KCNH5: variants seen among roughly 807,000 people sequenced by gnomAD.
The protein encoded by KCNH5 is potassium voltage-gated channel subfamily H member 5.
A neutral mutation model predicts 96.1 loss-of-function variants in KCNH5; 46 were observed. The observed-to-expected ratio is 0.48, with a 90% confidence interval of 0.38 to 0.61. The LOEUF (loss-of-function observed/expected upper bound fraction) is 0.61. KCNH5 is among the 20% of genes least tolerant of loss of function. The probability of loss-of-function intolerance (pLI) is 0.00; values close to 1 mark genes in which losing one functional copy is unlikely to be tolerated. For synonymous variants in KCNH5, 439 were observed against 449.8 expected (o/e 0.98, Z 0.30); for missense variants, 907 against 1,225.8 (o/e 0.74, Z 3.88).
At chr14:62,853,462 TATATATATATATATATATC>T in intron 7 of KCNH5, among the ~76,000 whole-genome samples, 1 of 121,146 alleles carries the variant, frequency 8.3e-6, no homozygotes, top group South Asian at 2.6e-4. Flanking sequence ...TAATCATATA[TATATATATATATATATATC>T]ATATATATAT....
In KCNH5 at chr14:63,044,587, G is replaced by A. The variant is rs900629252; in HGVS notation, c.73+527C>T. ...TTTGCAAGCACTGAACTCTTTCTTA[G>A]GTTCAACCTCAACTACTCTCCCCGG... On this transcript the variant is annotated intron_variant, in intron 1 of 10. Coordinates refer to ENST00000322893, the MANE Select transcript of KCNH5 (RefSeq NM_139318.5). Among the ~76,000 whole-genome samples the A allele has an allele frequency of 9.8e-5, 15 of 152,294 alleles. No homozygotes were observed. The South Asian group carries it at 2.5e-3, about 25-fold the overall frequency.
intron 1 of KCNH5, 129 bp downstream of exon 1, chr14:63,044,985 T>C: frequency 1.3e-6 from 1 of 741,908 alleles, no homozygotes; most frequent in Non-Finnish European, 2.3e-6. Flanking sequence ...GCCCAACTGG[T>C]AAATGAAACC....
At chr14:62,714,879 A>G (rs965456251) in intron 10 of KCNH5, among the ~76,000 whole-genome samples, 3 of 152,216 alleles carry the variant, frequency 2.0e-5, no homozygotes, top group African/African-American at 7.2e-5. Flanking sequence ...GCTGCTGAAC[A>G]CTATAAAAAT....
intron 7 of KCNH5, among the ~76,000 whole-genome samples, chr14:62,851,879 CA>C (rs1887814438): frequency 6.6e-6 from 1 of 152,106 alleles, no homozygotes; most frequent in Non-Finnish European, 1.5e-5. Context: ...AATTACGACA[CA>C]TTTCATCTTT....
rs184379385 is a variant in KCNH5 at position 62,847,480 on chromosome 14, A to C, written c.1569+2173T>G. Among the ~76,000 whole-genome samples, 395 of 152,216 alleles carry C rather than the reference A, an allele frequency of 2.6e-3. 3 individuals carry two copies. Among genetic ancestry groups the C allele is most frequent in the African/African-American group, 9.3e-3 (387 of 41,528 alleles). ...GTAGGGATTTTCTTAATAGACTGGG[A>C]TAAATCAATACAGGCATAGAGTATG... is the stretch of plus-strand genomic sequence containing the variant. On this transcript the variant is annotated intron_variant, in intron 8 of 10. Transcript: ENST00000322893.
At chr14:62,924,806 A>T (rs531942203) in intron 7 of KCNH5, among the ~76,000 whole-genome samples, 1 of 152,110 alleles carries the variant, frequency 6.6e-6, no homozygotes, top group African/African-American at 2.4e-5. Context: ...CCAGGTACTT[A>T]GAAGTGGGGG....
chr14:62,742,591 T>A (rs1885293653), intron 10 of KCNH5, among the ~76,000 whole-genome samples: 1 of 152,156 alleles, frequency 6.6e-6, no homozygotes, highest in Non-Finnish European at 1.5e-5. Flanking sequence ...CCCAGGTGAG[T>A]CTAAACTACA....
chr14:62,878,202 G>GGT (rs1491511546), intron 7 of KCNH5, among the ~76,000 whole-genome samples: 1 of 49,500 alleles, frequency 2.0e-5, no homozygotes, highest in African/African-American at 8.1e-5. Flanking sequence ...TTGTGGGGAT[G>GGT]GGGGGGGGGG....
intron 8 of KCNH5, among the ~76,000 whole-genome samples, chr14:62,848,223 A>C (rs1315091461): frequency 1.3e-5 from 2 of 152,166 alleles, no homozygotes; most frequent in South Asian, 2.1e-4. Context: ...GTTTCATTTA[A>C]TGTGGACTTC....
At chr14:62,979,000 C>T (rs146256880) in intron 6 of KCNH5, among the ~76,000 whole-genome samples, 96 of 152,256 alleles carry the variant, frequency 6.3e-4, no homozygotes, top group Non-Finnish European at 1.2e-3. Context: ...TAATAGATTT[C>T]TTGAATTTAG....
intron 9 of KCNH5, among the ~76,000 whole-genome samples, chr14:62,790,640 AG>A (rs1477032824): frequency 6.6e-6 from 1 of 150,680 alleles, no homozygotes; most frequent in Admixed American, 6.6e-5. Context: ...GTATACCCAG[AG>A]TCAGCCAATT....
At chr14:63,005,028 A>G (rs1325445207) in intron 3 of KCNH5, among the ~76,000 whole-genome samples, 1 of 152,228 alleles carries the variant, frequency 6.6e-6, no homozygotes, top group Non-Finnish European at 1.5e-5. Flanking sequence ...TTTGGTATAC[A>G]GGTCTCCTAC....
At chr14:62,756,289 G>T (rs568353539) in intron 10 of KCNH5, among the ~76,000 whole-genome samples, 1 of 152,192 alleles carries the variant, frequency 6.6e-6, no homozygotes, top group Non-Finnish European at 1.5e-5. Context: ...ATCAGTGAAA[G>T]AAACTACAGA....
At chr14:62,832,981 A>G (rs1203958601) in intron 8 of KCNH5, among the ~76,000 whole-genome samples, 1 of 121,238 alleles carries the variant, frequency 8.2e-6, no homozygotes, top group Non-Finnish European at 1.7e-5. Flanking sequence ...GGTTTTTGCT[A>G]TTGAATTGAT....
At chr14:62,917,663 T>C (rs1204952001) in intron 7 of KCNH5, among the ~76,000 whole-genome samples, 1 of 152,182 alleles carries the variant, frequency 6.6e-6, no homozygotes, top group South Asian at 2.1e-4. Flanking sequence ...TGGCTGCAAA[T>C]GGACCAAGCA....
At chr14:62,799,417 T>C (rs1886602741) in intron 9 of KCNH5, among the ~76,000 whole-genome samples, 1 of 151,002 alleles carries the variant, frequency 6.6e-6, no homozygotes, top group African/African-American at 2.4e-5. Flanking sequence ...CTGCTAAAAA[T>C]ACAAAATTAG....
chr14:63,012,387 T>C (rs757271266), intron 2 of KCNH5, among the ~76,000 whole-genome samples: 3 of 152,166 alleles, frequency 2.0e-5, no homozygotes, highest in Non-Finnish European at 4.4e-5. Flanking sequence ...ACACATCAGA[T>C]ATTTTCAGAT....
At chr14:62,944,843 A>G (rs1456523637) in intron 7 of KCNH5, among the ~76,000 whole-genome samples, 1 of 152,170 alleles carries the variant, frequency 6.6e-6, no homozygotes, top group Non-Finnish European at 1.5e-5. Context: ...TAGAAACTGG[A>G]CTTAATCAGA....
chr14:62,851,489 G>C (rs1475688676), intron 7 of KCNH5, among the ~76,000 whole-genome samples: 1 of 110,682 alleles, frequency 9.0e-6, no homozygotes, highest in Non-Finnish European at 1.8e-5. Flanking sequence ...AAGATATAGA[G>C]GTCTTTCCTA....
Sources: allele counts gnomAD v4.1 joint callset (sites outside exome capture counted in the v4.1 genomes callset), GRCh38; gene constraint gnomAD v4.1.1; transcripts MANE v1.5; gene names NCBI Gene and HGNC (gene_info 2026-07-23, HGNC 2026-07-21).